The following SMOC2 variants were observed in gnomAD, a reference collection of about 807,000 sequenced individuals.
SMOC2 encodes SPARC-related modular calcium-binding protein 2.
A neutral mutation model predicts 61.4 loss-of-function variants in SMOC2; 39 were observed. The observed-to-expected ratio is 0.64, with a 90% CI of 0.49 to 0.83. SMOC2 has a LOEUF of 0.83. Among genes scored for constraint, SMOC2 ranks in the 40% least tolerant of loss-of-function variants. The probability of loss-of-function intolerance (pLI) is 0.00; values close to 1 mark genes in which losing one functional copy is unlikely to be tolerated. For missense variants in SMOC2, 556 were observed against 592.9 expected (o/e 0.94, Z 0.65); for synonymous variants, 247 against 239.9 (o/e 1.03, Z -0.27).
chr6:168,443,754 C>T (rs1421193527), intron 1 of SMOC2, among the ~76,000 whole-genome samples: 1 of 152,178 alleles, frequency 6.6e-6, no homozygotes, highest in Non-Finnish European at 1.5e-5. Flanking sequence ...GAAGGGCCTT[C>T]TCTCCCTACG....
At chr6:168,602,750 G>A (rs1179409295) in intron 8 of SMOC2, among the ~76,000 whole-genome samples, 1 of 152,232 alleles carries the variant, frequency 6.6e-6, no homozygotes, top group Non-Finnish European at 1.5e-5. Context: ...ACACAAAGAT[G>A]GTAGAGGTGG....
chr6:168,661,292 G>A (rs536235525), intron 11 of SMOC2, among the ~76,000 whole-genome samples: 1 of 152,198 alleles, frequency 6.6e-6, no homozygotes, highest in Non-Finnish European at 1.5e-5. Flanking sequence ...GCTCACTACT[G>A]AACAATGCGC....
chr6:168,594,816 C>T (rs1327883042), intron 7 of SMOC2, among the ~76,000 whole-genome samples: 2 of 79,016 alleles, frequency 2.5e-5, no homozygotes, highest in African/African-American at 8.1e-5. Flanking sequence ...GCTCCTCCTC[C>T]TTCCTGAGGC....
chr6:168,590,377 G>T (rs1293699143), intron 7 of SMOC2, among the ~76,000 whole-genome samples: 1 of 96,188 alleles, frequency 1.0e-5, no homozygotes, highest in African/African-American at 3.8e-5. Flanking sequence ...CGGGGCAGCC[G>T]GTCTGGTGGT....
intron 2 of SMOC2, among the ~76,000 whole-genome samples, chr6:168,512,132 T>C (rs937909001): frequency 3.3e-5 from 5 of 152,078 alleles, no homozygotes; most frequent in Admixed American, 3.3e-4. Flanking sequence ...GAGGGTCCTC[T>C]GAGGACCGAC....
At chr6:168,585,107 G>A (rs1054159259) in intron 7 of SMOC2, among the ~76,000 whole-genome samples, 42 of 152,156 alleles carry the variant, frequency 2.8e-4, no homozygotes, top group African/African-American at 9.9e-4. Flanking sequence ...ACACGAGGGC[G>A]CCACCACACA....
Position 168,452,071 on chromosome 6 carries a change from A to G in SMOC2, c.84+10617A>G, listed in dbSNP as rs1387877115. Among the ~76,000 whole-genome samples the G allele has an allele frequency of 1.3e-5, 2 of 152,200 alleles. No individual in the cohort carries two copies. Among genetic ancestry groups the G allele is most frequent in the Non-Finnish European group, 2.9e-5 (2 of 68,024 alleles). ...GCTCTGTCTTTTAGGGGAGGGTCGCATGGTGGGGTCTGGGGTTACCACCAC... is the reference window on the plus strand; with the variant it reads ...GCTCTGTCTTTTAGGGGAGGGTCGCGTGGTGGGGTCTGGGGTTACCACCAC... On this transcript the variant is annotated intron_variant, in intron 1 of 12. Transcript: ENST00000356284. The surrounding 1 kb of genome is among the most constrained non-coding windows in gnomAD (Gnocchi z 5.0).
At chr6:168,575,311 T>G (rs1056361127) in intron 7 of SMOC2, among the ~76,000 whole-genome samples, 1 of 152,204 alleles carries the variant, frequency 6.6e-6, no homozygotes, top group African/African-American at 2.4e-5. Context: ...TGCAGAATAT[T>G]TTTTCCCTCC....
chr6:168,577,250 A>C (rs1784825500), intron 7 of SMOC2, among the ~76,000 whole-genome samples: 1 of 150,924 alleles, frequency 6.6e-6, no homozygotes. Context: ...CTCTCTTCTT[A>C]TCTCTGTAAG....
chr6:168,493,088 G>A (rs1448556431), intron 1 of SMOC2, among the ~76,000 whole-genome samples: 1 of 152,010 alleles, frequency 6.6e-6, no homozygotes, highest in Admixed American at 6.6e-5. Context: ...CCATGCTGGA[G>A]TGCAGTGGCA....
At chr6:168,649,465 G>C (rs989131401) in intron 9 of SMOC2, among the ~76,000 whole-genome samples, 3 of 152,178 alleles carry the variant, frequency 2.0e-5, no homozygotes, top group African/African-American at 7.2e-5. Context: ...CAGTGGGGAC[G>C]CTGTCCCTCC....
At chr6:168,441,546 G>T (rs1038576137) in intron 1 of SMOC2, 92 bp downstream of exon 1, 19 of 1,361,622 alleles carry the variant, frequency 1.4e-5, no homozygotes, top group Non-Finnish European at 1.7e-5. Flanking sequence ...CCAGGCCCAG[G>T]CGCCTGGGCA....
intron 8 of SMOC2, among the ~76,000 whole-genome samples, chr6:168,600,411 AAAAAAAAAAACAAAAAAAAAAAC>A (rs1382221906): frequency 1.9e-4 from 6 of 31,008 alleles, no homozygotes; most frequent in East Asian, 8.6e-4. Context: ...CTGCCTCAAA[AAAAAAAAAAACAAAAAAAAAAAC>A]AAAAAAAAAA....
intron 1 of SMOC2, among the ~76,000 whole-genome samples, chr6:168,495,508 G>A (rs1188257870): frequency 6.6e-6 from 1 of 152,230 alleles, no homozygotes; most frequent in Non-Finnish European, 1.5e-5. Flanking sequence ...GATGTGGGAT[G>A]CTGTGAGCAC....
chr6:168,537,191 GAGA>G (rs1221864114), intron 4 of SMOC2, among the ~76,000 whole-genome samples: 3 of 150,722 alleles, frequency 2.0e-5, no homozygotes, highest in Non-Finnish European at 4.4e-5. Context: ...CTGCAGGCTT[GAGA>G]AGCACTTGCT....
In SMOC2 at chr6:168,553,297, A is replaced by C. The variant is rs1238210145; in HGVS notation, c.637+4094A>C. 6.6e-6 allele frequency among the ~76,000 whole-genome samples: 1 copy of C among 152,148 alleles called. No individual in the cohort carries two copies. Among genetic ancestry groups the C allele is most frequent in the Non-Finnish European group, 1.5e-5 (1 of 68,024 alleles). ...TTACTCAGTTTTTCCCATCAATATAAAATTGTGTTACTTCTTTTACTGTCT... is the reference window on the plus strand; with the variant it reads ...TTACTCAGTTTTTCCCATCAATATACAATTGTGTTACTTCTTTTACTGTCT... On this transcript the variant is annotated intron_variant, in intron 7 of 12. Coordinates refer to ENST00000356284, the MANE Select transcript of SMOC2 (RefSeq NM_001166412.2). The surrounding 1 kb of genome is among the most constrained non-coding windows in gnomAD (Gnocchi z 4.2).
intron 1 of SMOC2, among the ~76,000 whole-genome samples, chr6:168,504,048 C>T (rs1318757383): frequency 3.3e-5 from 5 of 152,064 alleles, no homozygotes; most frequent in South Asian, 2.1e-4. Flanking sequence ...CGATGACACA[C>T]GAGGCCTGCT....
chr6:168,496,031 T>C (rs1374915665), intron 1 of SMOC2, among the ~76,000 whole-genome samples: 2 of 152,248 alleles, frequency 1.3e-5, no homozygotes, highest in Non-Finnish European at 2.9e-5. Flanking sequence ...CAAAATCCTC[T>C]GTACTCCCTC....
intron 7 of SMOC2, among the ~76,000 whole-genome samples, chr6:168,569,691 G>T (rs985313690): frequency 1.3e-5 from 2 of 152,142 alleles, no homozygotes; most frequent in Admixed American, 6.5e-5. Flanking sequence ...CTATCTGCCT[G>T]TCTCGGCCTT....
Sources: gnomAD v4.1 joint callset for allele counts (sites outside exome capture counted in the v4.1 genomes callset) on GRCh38, gnomAD v4.1.1 for gene constraint, Gnocchi (gnomAD v3.1) non-coding constraint, MANE v1.5 for transcripts, NCBI Gene and HGNC (gene_info 2026-07-23, HGNC 2026-07-21) for gene names.